Variants in TANC2 observed in about 807,000 individuals in gnomAD.
The protein encoded by TANC2 is protein TANC2.
TANC2 carries 26 observed loss-of-function variants against 210.5 expected under a neutral mutation model. The observed-to-expected ratio is 0.12, with a 90% CI of 0.09 to 0.17. TANC2 has a LOEUF of 0.17. Ranked by LOEUF, TANC2 falls within the 10% of genes least tolerant of loss-of-function variation. TANC2 has a pLI of 1.00. For missense variants in TANC2, 2,129 were observed against 2,608.9 expected, an observed-to-expected ratio of 0.82 and a Z score of 4.01; for synonymous variants, 931 against 967.1, an observed-to-expected ratio of 0.96 and a Z score of 0.69.
chr17:63,421,613 C>T lies in TANC2; in HGVS notation c.5883C>T (p.Leu1961=), dbSNP rs1211070567. The change falls in exon 28 of 28, where the codon CTC becomes CTT. Residue 1961 remains leucine, a synonymous_variant. Transcript: ENST00000689528. This position sits in a 1 kb window ranked among gnomAD's most constrained non-coding sequence, Gnocchi z 6.9. ...CAGTGTCATCTGTGGACACCGTCCT[C>T]AGTCCCACGTCTCCAGGCAACCTGC... is the stretch of plus-strand genomic sequence containing the variant. The T allele has an allele frequency of 3.7e-6, 6 of 1,614,026 alleles. No homozygotes were observed. The highest frequency in any genetic ancestry group is 3.3e-5 in the Admixed American group (2 of 60,024).
At chr17:63,287,133 A>G (rs554929649) in intron 9 of TANC2, among the ~76,000 whole-genome samples, 9 of 152,158 alleles carry the variant, frequency 5.9e-5, no homozygotes, top group East Asian at 1.9e-4. Flanking sequence ...GGGTTTTGCT[A>G]TGTTGGCCAG....
In TANC2 at chr17:62,991,507, C is replaced by T. The variant is rs376347857; in HGVS notation, c.-23-18030C>T. ...CAAAAAAATTAGCCGGGTGTGGTGG[C>T]GGGGGCCCGTAGGTCCCAACTTCTC... is the stretch of plus-strand genomic sequence containing the variant. On this transcript the variant is annotated intron_variant, in intron 1 of 27. Transcript: ENST00000689528. Among the ~76,000 whole-genome samples, 15 of 151,572 alleles carry T rather than the reference C, an allele frequency of 9.9e-5. No individual in the cohort carries two copies. In the East Asian group the frequency reaches 2.7e-3, roughly 28 times the overall value.
chr17:63,361,371 C>G (rs776382131), intron 14 of TANC2, among the ~76,000 whole-genome samples: 1 of 152,240 alleles, frequency 6.6e-6, no homozygotes, highest in Non-Finnish European at 1.5e-5. Flanking sequence ...AGGCACAGAA[C>G]AGTGAGCAGT....
At chr17:63,246,422 C>G (rs1291111437) in intron 8 of TANC2, among the ~76,000 whole-genome samples, 1 of 152,054 alleles carries the variant, frequency 6.6e-6, no homozygotes, top group Non-Finnish European at 1.5e-5. Flanking sequence ...CATGAATCAG[C>G]TTTAGGACAT....
intron 13 of TANC2, among the ~76,000 whole-genome samples, chr17:63,352,928 G>T (rs1243441849): frequency 6.6e-6 from 1 of 151,960 alleles, no homozygotes; most frequent in Non-Finnish European, 1.5e-5. Context: ...AAACAAATGA[G>T]CAAAAAGTTA....
chr17:63,419,933 C>A, intron 27 of TANC2, 66 bp from the exon 28 acceptor site: 1 of 1,464,224 alleles, frequency 6.8e-7, no homozygotes, highest in Non-Finnish European at 9.1e-7. Context: ...ACCATGTTCT[C>A]AGCTCTTGGT....
chr17:62,992,144 A>T (rs778934754), intron 1 of TANC2, among the ~76,000 whole-genome samples: 18 of 152,216 alleles, frequency 1.2e-4, no homozygotes, highest in Non-Finnish European at 2.1e-4. Context: ...TTTACGTAAT[A>T]GACTTAAGCA....
intron 26 of TANC2, among the ~76,000 whole-genome samples, chr17:63,417,226 A>T (rs1026905105): frequency 2.0e-5 from 3 of 152,116 alleles, no homozygotes; most frequent in Non-Finnish European, 4.4e-5. Flanking sequence ...TCAACTTTTA[A>T]AAAATTTTTT....
chr17:63,199,402 C>T (rs1014377817), intron 6 of TANC2, among the ~76,000 whole-genome samples: 1 of 151,972 alleles, frequency 6.6e-6, no homozygotes, highest in African/African-American at 2.4e-5. Flanking sequence ...GTGGGAAGTA[C>T]ACATTCAGGA....
At chr17:63,308,907 A>T (rs1598823722) in intron 9 of TANC2, among the ~76,000 whole-genome samples, 2 of 152,272 alleles carry the variant, frequency 1.3e-5, no homozygotes, top group Non-Finnish European at 1.5e-5. Flanking sequence ...ATAATTAAAG[A>T]TATAATTAAT....
At chr17:63,280,784 A>G (rs2044036010) in intron 9 of TANC2, among the ~76,000 whole-genome samples, 1 of 152,104 alleles carries the variant, frequency 6.6e-6, no homozygotes, top group South Asian at 2.1e-4. Flanking sequence ...TGCTTCTGGA[A>G]CTTCAGTAGG....
intron 4 of TANC2, among the ~76,000 whole-genome samples, chr17:63,139,704 T>A (rs1360593839): frequency 6.6e-6 from 1 of 152,088 alleles, no homozygotes; most frequent in East Asian, 1.9e-4. Context: ...GAGTTTGAGA[T>A]CAGCCTGGGC....
intron 7 of TANC2, among the ~76,000 whole-genome samples, chr17:63,234,412 G>T (rs538886889): frequency 6.6e-6 from 1 of 152,080 alleles, no homozygotes; most frequent in Non-Finnish European, 1.5e-5. Flanking sequence ...TATTTTTAAT[G>T]TAAGTAGTAG....
At chr17:63,319,118 A>G (rs754715320) in intron 11 of TANC2, 28 bp downstream of exon 11, 4 of 1,592,216 alleles carry the variant, frequency 2.5e-6, no homozygotes, top group Non-Finnish European at 3.4e-6. Flanking sequence ...CGTTGGGGAT[A>G]TGGTAGTTCC....
intron 9 of TANC2, among the ~76,000 whole-genome samples, chr17:63,277,024 A>G (rs1026807791): frequency 6.6e-6 from 1 of 152,186 alleles, no homozygotes; most frequent in Non-Finnish European, 1.5e-5. Flanking sequence ...AGCTGTGGTC[A>G]GAGAGGATAC....
chr17:63,013,676 C>T (rs1223046301), intron 2 of TANC2, among the ~76,000 whole-genome samples: 4 of 148,662 alleles, frequency 2.7e-5, no homozygotes, highest in African/African-American at 7.4e-5. Context: ...GCAGGAGAAT[C>T]GCTTGAGCCT....
intron 11 of TANC2, chr17:63,331,952 T>A (rs2146720786): frequency 3.7e-6 from 1 of 267,460 alleles, no homozygotes; most frequent in South Asian, 4.8e-5. Flanking sequence ...GTTCCAGCCG[T>A]TAAATACAGA....
At chr17:63,328,166 T>G (rs1224046466) in intron 11 of TANC2, among the ~76,000 whole-genome samples, 1 of 152,108 alleles carries the variant, frequency 6.6e-6, no homozygotes, top group Non-Finnish European at 1.5e-5. Flanking sequence ...AGAAAGAGAA[T>G]AACAGACACT....
chr17:63,424,171 A>T (rs1189828991), exon 28 of TANC2: 2 of 152,200 alleles, frequency 1.3e-5, no homozygotes, highest in Non-Finnish European at 2.9e-5. Context: ...CAGGCGAATG[A>T]GCAGGTCCTG....
Sources: gnomAD v4.1 joint callset for allele counts (sites outside exome capture counted in the v4.1 genomes callset) on GRCh38, gnomAD v4.1.1 for gene constraint, Gnocchi (gnomAD v3.1) non-coding constraint, MANE v1.5 for transcripts, NCBI Gene and HGNC (gene_info 2026-07-23, HGNC 2026-07-21) for gene names.